The following CFAP99 variants were observed in gnomAD, a reference collection of about 807,000 sequenced individuals.
The protein encoded by CFAP99 is cilia- and flagella-associated protein 99.
CFAP99 carries 84 observed loss-of-function variants against 82.7 expected under a neutral mutation model. That is an observed-to-expected ratio of 1.02 (90% CI 0.85 to 1.22). CFAP99 has a LOEUF of 1.22. Ranked by LOEUF, CFAP99 falls within the 50% of genes most tolerant of loss-of-function variation. The pLI is 0.00. For synonymous variants in CFAP99, 456 were observed against 429.5 expected, an observed-to-expected ratio of 1.06 and a Z score of -0.76; for missense variants, 1,059 against 983.5, an observed-to-expected ratio of 1.08 and a Z score of -1.03.
intron 11 of CFAP99, among the ~76,000 whole-genome samples, chr4:2,454,122 T>C (rs1320617584): frequency 6.6e-6 from 1 of 152,142 alleles, no homozygotes; most frequent in Non-Finnish European, 1.5e-5. Flanking sequence ...CTCAGCCTCC[T>C]GAATAGCTGG....
chr4:2,450,148 T>A, intron 8 of CFAP99, 143 bp downstream of exon 8: 1 of 818,036 alleles, frequency 1.2e-6, no homozygotes, highest in Non-Finnish European at 2.0e-6. Context: ...CCAGTAGCAC[T>A]GGGAAAGTGT....
chr4:2,452,400 C>T (rs190604797), intron 11 of CFAP99, 54 bp downstream of exon 11: 1 of 1,509,792 alleles, frequency 6.6e-7, no homozygotes, highest in Non-Finnish European at 8.9e-7. Context: ...ACTGTGTGCC[C>T]ACCGGGAGCT....
At position 2,462,546 on chromosome 4, in the gene CFAP99, A is replaced by G. The variant is rs1269402851; in HGVS notation, c.1765A>G (p.Ser589Gly). ...GATCTCGGAGAGGGCGGCCGAGCGC[A>G]GCAGGCAGGCGGCCTTGCTGCACGT... Residue 589 changes from serine to glycine, a missense_variant, in exon 15 of 15, where the codon AGC becomes GGC. Physicochemically the swap from Ser to Gly is moderately conservative, Grantham distance 56 (BLOSUM62 0). Transcript: ENST00000635017. The surrounding 1 kb of genome is among the most constrained non-coding windows in gnomAD (Gnocchi z 4.1). 9 of 1,466,922 alleles carry G rather than the reference A, an allele frequency of 6.1e-6. No homozygotes were observed. In the Admixed American group the frequency reaches 1.7e-4, roughly 28 times the overall value. The allele number at this position is 1,466,922 out of a possible 1,614,324, so 90.9% of individuals were successfully genotyped here. A position where few individuals can be genotyped will look rare whatever the true frequency, so the allele number is the denominator to read the frequency against.
intron 11 of CFAP99, among the ~76,000 whole-genome samples, chr4:2,454,547 T>C (rs1245373391): frequency 3.0e-4 from 45 of 151,614 alleles, no homozygotes; most frequent in Non-Finnish European, 5.5e-4. Context: ...CAATCTACTC[T>C]CTTAGCAATT....
At chr4:2,445,946 C>A (rs772852923) in intron 6 of CFAP99, among the ~76,000 whole-genome samples, 1 of 152,190 alleles carries the variant, frequency 6.6e-6, no homozygotes, top group African/African-American at 2.4e-5. Flanking sequence ...GCTTAGGTCT[C>A]ATGCCTGCCT....
chr4:2,449,958 G>A lies in CFAP99; in HGVS notation c.748G>A (p.Glu250Lys), dbSNP rs866413432. 106 of 1,536,070 alleles carry A rather than the reference G, an allele frequency of 6.9e-5. 1 individual carries two copies. Among genetic ancestry groups the A allele is most frequent in the Non-Finnish European group, 8.6e-5 (99 of 1,146,934 alleles). Residue 250 changes from glutamate to lysine, a missense_variant, in exon 8 of 15, where the codon GAG becomes AAG. Transcript: ENST00000635017. ...GGAGCTGCTGCTGAGGGCAAACATC[G>A]AGGAACTGCGCTGCGCCATGCCCAG...
intron 13 of CFAP99, among the ~76,000 whole-genome samples, chr4:2,459,716 C>T (rs1734566573): frequency 6.6e-6 from 1 of 152,188 alleles, no homozygotes; most frequent in Non-Finnish European, 1.5e-5. Context: ...CAGGGCCTGG[C>T]CCAGCCCCGA....
intron 1 of CFAP99, among the ~76,000 whole-genome samples, chr4:2,420,061 C>G (rs1413571474): frequency 6.6e-6 from 1 of 151,912 alleles, no homozygotes; most frequent in Non-Finnish European, 1.5e-5. Context: ...GTGCCCTCTC[C>G]GTGACACAGC....
chr4:2,446,299 G>A lies in CFAP99; in HGVS notation c.642+991G>A, dbSNP rs1734162488. On this transcript the variant is annotated intron_variant, in intron 6 of 14. Transcript: ENST00000635017. The surrounding 1 kb of genome is among the most constrained non-coding windows in gnomAD (Gnocchi z 5.0). The stretch of plus-strand genomic sequence containing the variant: ...TAATTTGTGGGCCTGCCTATTGTCT[G>A]CCTATTCCAGCAGACATCATCCATC... 6.6e-6 allele frequency among the ~76,000 whole-genome samples: 1 copy of A among 152,020 alleles called. No homozygotes were observed. The highest frequency in any genetic ancestry group is 6.6e-5 in the Admixed American group (1 of 15,260).
intron 14 of CFAP99, 37 bp downstream of exon 14, chr4:2,460,279 A>T (rs1734591166): frequency 6.6e-7 from 1 of 1,522,018 alleles, no homozygotes; most frequent in Admixed American, 2.0e-5. Context: ...CTCTGGGTGG[A>T]CAGGGAGCAT....
Position 2,460,102 on chromosome 4 carries a change from CAA to C in CFAP99, c.1523_1524del (p.Lys508ArgfsTer?). ...AGCTGCGAGAGCGGCTGGCCCTGCT[CAA>C]AGAGAATCAGCGGCGCAAGGAGGAA... On this transcript the variant is annotated frameshift_variant, in exon 14 of 15. Coordinates refer to ENST00000635017, the Ensembl canonical transcript of CFAP99. LOFTEE classifies it high-confidence loss of function. 6.5e-7 allele frequency: 1 copy of C among 1,536,054 alleles called. No homozygotes were observed. The highest frequency in any genetic ancestry group is 8.7e-7 in the Non-Finnish European group (1 of 1,146,902).
rs1183610151 is a variant in CFAP99 at position 2,436,984 on chromosome 4, ACT to A, written c.225_226del (p.Cys76ProfsTer4). On this transcript the variant is annotated frameshift_variant, in exon 3 of 15. Transcript: ENST00000635017. LOFTEE classifies it high-confidence loss of function. ...ATGCCTTCTACGTGGAGGATGGCCG[ACT>A]CTGCCTGCGGGTTGACCACAGCCGC... 12 of 1,535,482 alleles carry A rather than the reference ACT, an allele frequency of 7.8e-6. No homozygotes were observed. Among genetic ancestry groups the A allele is most frequent in the Non-Finnish European group, 9.6e-6 (11 of 1,146,710 alleles).
At chr4:2,423,461 C>T (rs1019305883) in intron 1 of CFAP99, among the ~76,000 whole-genome samples, 4 of 152,226 alleles carry the variant, frequency 2.6e-5, no homozygotes, top group Non-Finnish European at 4.4e-5. Flanking sequence ...TTTCTGCTCA[C>T]AGCTGTTGAA....
intron 6 of CFAP99, among the ~76,000 whole-genome samples, 189 bp downstream of exon 6, chr4:2,445,497 C>T (rs1039986664): frequency 2.6e-5 from 4 of 152,156 alleles, no homozygotes; most frequent in Admixed American, 6.5e-5. Context: ...CCAGCTGACC[C>T]GGAGCCCACC....
intron 5 of CFAP99, 133 bp from the exon 6 acceptor site, chr4:2,444,998 C>G (rs11734990): frequency 0.14 from 74,112 of 526,758 alleles, 5,488 homozygotes; most frequent in African/African-American, 0.16. Context: ...GAAGTGAGGC[C>G]GTCCATCCCA....
At chr4:2,460,232 G>A (rs1188564764) in exon 14 of CFAP99, 61 of 1,536,092 alleles carry the variant, frequency 4.0e-5, no homozygotes, top group Admixed American at 1.4e-4. Flanking sequence ...GGGGAGATCC[G>A]CAGCCTTGAG....
chr4:2,436,583 G>A (rs1174160189), intron 2 of CFAP99, among the ~76,000 whole-genome samples: 1 of 152,198 alleles, frequency 6.6e-6, no homozygotes, highest in Non-Finnish European at 1.5e-5. Context: ...GCGGCAGCCT[G>A]TTCTCATTAG....
intron 1 of CFAP99, among the ~76,000 whole-genome samples, chr4:2,419,955 C>T (rs1256072945): frequency 6.6e-6 from 1 of 152,082 alleles, no homozygotes; most frequent in African/African-American, 2.4e-5. Flanking sequence ...AGCTCTTTAT[C>T]AAAGTCATCC....
At chr4:2,434,415 G>A (rs1371648959) in intron 2 of CFAP99, among the ~76,000 whole-genome samples, 5 of 152,222 alleles carry the variant, frequency 3.3e-5, no homozygotes, top group African/African-American at 7.2e-5. Flanking sequence ...CACCCACAAC[G>A]GAGCCCTAGA....
Sources: gnomAD v4.1 joint callset for allele counts (sites outside exome capture counted in the v4.1 genomes callset) on GRCh38, gnomAD v4.1.1 for gene constraint, Gnocchi (gnomAD v3.1) non-coding constraint, MANE v1.5 for transcripts, NCBI Gene and HGNC (gene_info 2026-07-23, HGNC 2026-07-21) for gene names.